Variants in ZNF480 observed in about 807,000 individuals in gnomAD.
ZNF480 encodes zinc finger protein 480.
A neutral mutation model predicts 14.4 loss-of-function variants in ZNF480; 15 were observed. The ratio of observed to expected loss-of-function variants is 1.04; its 90% CI spans 0.70 to 1.60. The LOEUF is 1.60. Among genes scored for constraint, ZNF480 ranks in the 40% most tolerant of loss-of-function variants. ZNF480 has a pLI of 0.00. For synonymous variants in ZNF480, 218 were observed against 215.5 expected (o/e 1.01, Z -0.10); for missense variants, 593 against 629.7 (o/e 0.94, Z 0.62).
intron 4 of ZNF480, 55 bp downstream of exon 4, chr19:52,316,017 T>G: frequency 5.4e-6 from 8 of 1,486,498 alleles, no homozygotes; most frequent in South Asian, 2.9e-5. Context: ...GCTTTTTTTT[T>G]GTTTTGTTTT....
intron 4 of ZNF480, chr19:52,317,285 G>A (rs1173206733): frequency 3.3e-5 from 5 of 152,134 alleles, no homozygotes; most frequent in East Asian, 3.9e-4. Flanking sequence ...CAAAGTGCTG[G>A]GATTATAGGC....
In ZNF480 at chr19:52,314,183, G is replaced by A. The variant is rs757038257; in HGVS notation, c.103G>A (p.Glu35Lys). ...GHLTFRDVAI[E>K]FSQAEWKCLD... Reference sequence around the variant, plus strand: ...CTTAACATTCAGGGACGTGGCCATAGAATTCTCTCAGGCGGAGTGGAAATG... The same window carrying A: ...CTTAACATTCAGGGACGTGGCCATAAAATTCTCTCAGGCGGAGTGGAAATG... The change falls in exon 3 of 5, where the codon GAA becomes AAA. Residue 35 changes from glutamate (E) to lysine (K), a missense_variant. Physicochemically the swap from Glu to Lys is moderately conservative, Grantham distance 56. Transcript: ENST00000595962. 1.9e-6 allele frequency: 3 copies of A among 1,580,246 alleles called. No individual in the cohort carries two copies. The highest frequency in any genetic ancestry group is 2.6e-6 in the Non-Finnish European group (3 of 1,158,574).
chr19:52,308,301 T>G, intron 2 of ZNF480, among the ~76,000 whole-genome samples: 1 of 121,570 alleles, frequency 8.2e-6, no homozygotes, highest in South Asian at 2.6e-4. Context: ...GCTTGATTTT[T>G]TTCTTCTTTT....
Position 52,325,034 on chromosome 19 carries a change from C to T in ZNF480, c.*2176C>T, listed in dbSNP as rs1291786935. The T allele has an allele frequency of 6.6e-6, 1 of 152,068 alleles. No individual in the cohort carries two copies. Among genetic ancestry groups the T allele is most frequent in the South Asian group, 2.1e-4 (1 of 4,826 alleles). 9.4% of individuals were successfully genotyped at this position (152,068 alleles called of 1,614,324 possible). On this transcript the variant is annotated 3_prime_UTR_variant, in exon 5 of 5. Transcript: ENST00000595962. ...AAACTGCATCTGACAAAGATCTAAT[C>T]CAGAATCTATAAAGAACTCAAACAA...
In ZNF480 at chr19:52,298,591, A is replaced by G. The variant is rs562395151; in HGVS notation, c.-20+1368A>G. ...GGTTGCAGTGAGCTGAGATTGCGCCATTGCACTCCAGGCTGGGCGACAAGA... is the reference window on the plus strand; with the variant it reads ...GGTTGCAGTGAGCTGAGATTGCGCCGTTGCACTCCAGGCTGGGCGACAAGA... On this transcript the variant is annotated intron_variant, in intron 1 of 4. Transcript: ENST00000595962. 3.3e-5 allele frequency among the ~76,000 whole-genome samples: 5 copies of G among 151,780 alleles called. 1 individual carries two copies. Among genetic ancestry groups the G allele is most frequent in the African/African-American group, 1.2e-4 (5 of 41,408 alleles).
At chr19:52,314,952 G>A (rs62110451) in intron 3 of ZNF480, among the ~76,000 whole-genome samples, 13,329 of 152,132 alleles carry the variant, frequency 0.088, 899 homozygotes, top group African/African-American at 0.19. Context: ...TACCAGGGCG[G>A]AAGTATGCAT....
intron 2 of ZNF480, 176 bp downstream of exon 2, chr19:52,300,660 C>A: frequency 9.5e-7 from 1 of 1,058,066 alleles, no homozygotes; most frequent in Non-Finnish European, 1.4e-6. Flanking sequence ...AACCTAGTGG[C>A]ACTAGAGGAA....
intron 4 of ZNF480, among the ~76,000 whole-genome samples, chr19:52,316,190 C>CTT (rs1328280600): frequency 2.3e-5 from 3 of 129,288 alleles, no homozygotes; most frequent in Non-Finnish European, 4.9e-5. Context: ...CTCTCTCTCT[C>CTT]TTTCTCTTTC....
intron 4 of ZNF480, among the ~76,000 whole-genome samples, chr19:52,319,747 TGTATTAGC>T (rs1376873100): frequency 6.6e-6 from 1 of 152,028 alleles, no homozygotes; most frequent in South Asian, 2.1e-4. Context: ...ATCCGAAAAA[TGTATTAGC>T]GTTTATTTGC....
chr19:52,313,417 C>A (rs1047159240), intron 2 of ZNF480, among the ~76,000 whole-genome samples: 1 of 151,464 alleles, frequency 6.6e-6, no homozygotes, highest in Non-Finnish European at 1.5e-5. Context: ...GGATTACAGG[C>A]GTGAGCCACC....
Position 52,321,767 on chromosome 19 carries a change from A to T in ZNF480, c.517A>T (p.Ser173Cys), listed in dbSNP as rs746343562. The T allele has an allele frequency of 1.2e-6, 2 of 1,613,758 alleles. No individual in the cohort carries two copies. The highest frequency in any genetic ancestry group is 1.7e-6 in the Non-Finnish European group (2 of 1,179,766). The stretch of plus-strand genomic sequence containing the variant: ...TTCCTGTCTTCAAGAAATGTCTTCC[A>T]GTGTCAAAACCCCCATTTTTAATAG... ...SVSCLQEMSS[S>C]VKTPIFNRND... is the part of the protein sequence containing the mutation. The change falls in exon 5 of 5, where the codon AGT becomes TGT. Residue 173 changes from serine to cysteine, a missense_variant. Physicochemically the swap from Ser to Cys is moderately radical, Grantham distance 112 (BLOSUM62 -1). Coordinates refer to ENST00000595962, the MANE Select transcript of ZNF480 (RefSeq NM_144684.4).
At chr19:52,312,346 G>C (rs1983325958) in intron 2 of ZNF480, among the ~76,000 whole-genome samples, 1 of 151,798 alleles carries the variant, frequency 6.6e-6, no homozygotes, top group East Asian at 1.9e-4. Context: ...TTTTTTAGTA[G>C]AGACTGGGCT....
At chr19:52,310,488 T>TA (rs201585581) in intron 2 of ZNF480, among the ~76,000 whole-genome samples, 1 of 152,032 alleles carries the variant, frequency 6.6e-6, no homozygotes, top group African/African-American at 2.4e-5. Flanking sequence ...TTTTTTTTTT[T>TA]AACCTCTCTT....
At chr19:52,310,625 C>T (rs551883168) in intron 2 of ZNF480, among the ~76,000 whole-genome samples, 4 of 151,994 alleles carry the variant, frequency 2.6e-5, no homozygotes, top group Admixed American at 6.6e-5. Context: ...TTTCATGAGA[C>T]GTTCTTGCTT....
At chr19:52,300,249 GT>G (rs1174183237) in intron 1 of ZNF480, 144 bp from the exon 2 acceptor site, 4 of 870,994 alleles carry the variant, frequency 4.6e-6, no homozygotes, top group Non-Finnish European at 5.2e-6. Context: ...TCCTGTAGGA[GT>G]TTCTTGTCTC....
At chr19:52,307,047 C>G (rs908912179) in intron 2 of ZNF480, among the ~76,000 whole-genome samples, 13 of 152,092 alleles carry the variant, frequency 8.5e-5, no homozygotes, top group African/African-American at 2.9e-4. Context: ...TCCCCTTCTT[C>G]CTCTGATTCC....
At chr19:52,308,132 C>T (rs553326259) in intron 2 of ZNF480, among the ~76,000 whole-genome samples, 1 of 152,054 alleles carries the variant, frequency 6.6e-6, no homozygotes, top group East Asian at 1.9e-4. Context: ...GTGCGGGCCC[C>T]ATGGTGTTAG....
At position 52,325,840 on chromosome 19, in the gene ZNF480, CTG is replaced by C. The variant is rs886475166; in HGVS notation, c.*2984_*2985del. 7 of 152,208 alleles carry C rather than the reference CTG, an allele frequency of 4.6e-5. No homozygotes were observed. Among genetic ancestry groups the C allele is most frequent in the African/African-American group, 1.2e-4 (5 of 41,456 alleles). The allele number at this position is 152,208 out of a possible 1,614,324, so 9.4% of individuals were successfully genotyped here. A position where few individuals can be genotyped will look rare whatever the true frequency, so the allele number is the denominator to read the frequency against. The stretch of plus-strand genomic sequence containing the variant: ...GCTGATTACCTGGGGACAAAATTAA[CTG>C]TACACCAAACTCCTGCAACATGCAG... On this transcript the variant is annotated 3_prime_UTR_variant, in exon 5 of 5. Coordinates refer to ENST00000595962, the MANE Select transcript of ZNF480 (RefSeq NM_144684.4).
intron 2 of ZNF480, among the ~76,000 whole-genome samples, chr19:52,310,189 G>A (rs1466480050): frequency 2.0e-5 from 3 of 151,954 alleles, no homozygotes; most frequent in Non-Finnish European, 4.4e-5. Context: ...ACAAGTAGCT[G>A]AGATTACAGG....
Sources: gnomAD v4.1 joint callset for allele counts (sites outside exome capture counted in the v4.1 genomes callset) on GRCh38, gnomAD v4.1.1 for gene constraint, MANE v1.5 for transcripts, NCBI Gene and HGNC (gene_info 2026-07-23, HGNC 2026-07-21) for gene names.